LPL: variants seen among roughly 807,000 people sequenced by gnomAD.
LPL encodes phospholipase A1.
In LPL, 43 loss-of-function variants were observed where a neutral mutation model predicts 52.2. That is an observed-to-expected ratio of 0.82 (90% confidence interval 0.64 to 1.06). The LOEUF (loss-of-function observed/expected upper bound fraction) is 1.06, where lower values mean the gene tolerates loss of function less well. Among genes scored for constraint, LPL ranks in the 50% least tolerant of loss-of-function variants. LPL has a pLI of 0.00. For synonymous variants in LPL, 244 were observed against 215.6 expected, an observed-to-expected ratio of 1.13 and a Z score of -1.15; for missense variants, 639 against 585.3, an observed-to-expected ratio of 1.09 and a Z score of -0.95.
chr8:19,944,378 C>T lies in LPL; in HGVS notation c.89-3802C>T, dbSNP rs552786304. Among the ~76,000 whole-genome samples, 3 of 144,042 alleles carry T rather than the reference C, an allele frequency of 2.1e-5. No homozygotes were observed. Among genetic ancestry groups the T allele is most frequent in the Admixed American group, 7.5e-5 (1 of 13,340 alleles). The allele number at this position is 144,042 out of a possible 152,430, so 94.5% of individuals were successfully genotyped here. ...GATATCCTACAGACACTGCCTGAGT[C>T]GATAACTATGACTATCAGTCTCAGA... On this transcript the variant is annotated intron_variant, in intron 1 of 9. Coordinates refer to ENST00000650287, the MANE Select transcript of LPL (RefSeq NM_000237.3). This position sits in a 1 kb window ranked among gnomAD's most constrained non-coding sequence, Gnocchi z 4.2.
intron 7 of LPL, among the ~76,000 whole-genome samples, chr8:19,960,336 A>C (rs1179950865): frequency 3.3e-5 from 5 of 152,200 alleles, no homozygotes; most frequent in Admixed American, 3.3e-4. Flanking sequence ...TCCTAAAGAA[A>C]TAGTCAACAA....
intron 2 of LPL, among the ~76,000 whole-genome samples, chr8:19,949,941 G>C (rs911561360): frequency 4.1e-5 from 6 of 147,610 alleles, no homozygotes; most frequent in African/African-American, 1.6e-4. Context: ...TATACTTTGG[G>C]AAGTTGTGGG....
chr8:19,947,813 A>G (rs983119030), intron 1 of LPL, among the ~76,000 whole-genome samples: 1 of 152,072 alleles, frequency 6.6e-6, no homozygotes, highest in Non-Finnish European at 1.5e-5. Context: ...GCCTCAGCCA[A>G]GTCACTTAAA....
In LPL at chr8:19,950,357, A is replaced by C. The variant is rs184247536; in HGVS notation, c.250-1412A>C. Among the ~76,000 whole-genome samples, 54 of 152,372 alleles carry C rather than the reference A, an allele frequency of 3.5e-4. No individual in the cohort carries two copies. Among genetic ancestry groups the C allele is most frequent in the African/African-American group, 1.3e-3 (54 of 41,582 alleles). On this transcript the variant is annotated intron_variant, in intron 2 of 9. Coordinates refer to ENST00000650287, the MANE Select transcript of LPL (RefSeq NM_000237.3). The surrounding 1 kb of genome is among the most constrained non-coding windows in gnomAD (Gnocchi z 4.2). ...TTTGAGTTGAGAAAGGTGAGTACTTAGATTTTTCATTTGCTTTGTTTGGGA... is the reference window on the plus strand; with the variant it reads ...TTTGAGTTGAGAAAGGTGAGTACTTCGATTTTTCATTTGCTTTGTTTGGGA...
intron 1 of LPL, among the ~76,000 whole-genome samples, chr8:19,947,750 G>A (rs951825179): frequency 2.7e-4 from 38 of 142,628 alleles, no homozygotes; most frequent in African/African-American, 9.6e-4. Flanking sequence ...AAGCTTCAAA[G>A]TGGAACTGAG....
chr8:19,948,429 C>T (rs768978143), intron 2 of LPL, 89 bp downstream of exon 2: 15 of 1,444,040 alleles, frequency 1.0e-5, no homozygotes, highest in Middle Eastern at 4.1e-4. Context: ...GTGATGGGTC[C>T]GCACCCCACA....
chr8:19,948,385 A>T, intron 2 of LPL, 45 bp downstream of exon 2: 1 of 1,609,722 alleles, frequency 6.2e-7, no homozygotes, highest in Non-Finnish European at 8.5e-7. Flanking sequence ...GTGGTGAGGT[A>T]TCCTGACTGG....
At chr8:19,953,248 G>A (rs2069950239) in intron 3 of LPL, 62 bp from the exon 4 acceptor site, 3 of 961,182 alleles carry the variant, frequency 3.1e-6, no homozygotes, top group Non-Finnish European at 5.1e-6. Flanking sequence ...TATTCATTTT[G>A]TTTCTTTTAG....
chr8:19,957,988 TTTTA>T (rs10634207), intron 6 of LPL, among the ~76,000 whole-genome samples: 58,799 of 140,608 alleles, frequency 0.42, 12,649 homozygotes, highest in East Asian at 0.69. Flanking sequence ...CCAAGAATTA[TTTTA>T]TTTATTTATT....
At chr8:19,965,207 C>G in intron 9 of LPL, 103 bp from the exon 10 acceptor site, 1 of 754,264 alleles carries the variant, frequency 1.3e-6, no homozygotes. Context: ...TTCTGAAATT[C>G]CATTTGAAGG....
rs1198832919 is a variant in LPL, at chr8:19,966,640, C to T, written c.*1330C>T. On this transcript the variant is annotated 3_prime_UTR_variant, in exon 10 of 10. Transcript: ENST00000650287. ...TCTGAACACATACTAGAAAGCTCTG[C>T]ATGTGTGTTGTCCTTCAGCATAATT... is the stretch of plus-strand genomic sequence containing the variant. 1 of 152,194 alleles carries T rather than the reference C, an allele frequency of 6.6e-6. No individual in the cohort carries two copies. The highest frequency in any genetic ancestry group is 1.5e-5 in the Non-Finnish European group (1 of 68,044). The allele number at this position is 152,194 out of a possible 1,614,324, so 9.4% of individuals were successfully genotyped here. A position where few individuals can be genotyped will look rare whatever the true frequency, so the allele number is the denominator to read the frequency against.
In LPL at chr8:19,948,223, GACCCCTGAAGA is replaced by G; in HGVS notation, c.133_143del (p.Thr45HisfsTer3). On this transcript the variant is annotated frameshift_variant, in exon 2 of 10. Coordinates refer to ENST00000650287, the MANE Select transcript of LPL (RefSeq NM_000237.3). LOFTEE classifies it high-confidence loss of function. Reference sequence around the variant, plus strand: ...ACATCGAAAGTAAATTTGCCCTAAGGACCCCTGAAGACACAGCTGAGGACACTTGCCACCTC... The same window carrying G: ...ACATCGAAAGTAAATTTGCCCTAAGGCACAGCTGAGGACACTTGCCACCTC... 2.5e-6 allele frequency: 4 copies of G among 1,614,004 alleles called. No homozygotes were observed. Among genetic ancestry groups the G allele is most frequent in the Non-Finnish European group, 3.4e-6 (4 of 1,180,012 alleles).
In LPL at chr8:19,962,113, A is replaced by C; in HGVS notation, c.1323-2A>C. 1.2e-6 allele frequency: 2 copies of C among 1,605,812 alleles called. No individual in the cohort carries two copies. Among genetic ancestry groups the C allele is most frequent in the Non-Finnish European group, 8.5e-7 (1 of 1,172,476 alleles). On this transcript the variant is annotated splice_acceptor_variant, in intron 8 of 9. Transcript: ENST00000650287. LOFTEE classifies it high-confidence loss of function. ...CATATTCACATCCATTTTCTTCCAC[A>C]GGGTGATCTTCTGTTCTAGGGAGAA...
intron 9 of LPL, among the ~76,000 whole-genome samples, chr8:19,962,537 C>T (rs1199822716): frequency 6.6e-6 from 1 of 152,170 alleles, no homozygotes; most frequent in East Asian, 1.9e-4. Flanking sequence ...TGCGTCTCTG[C>T]TGACTTTGCA....
Position 19,954,142 on chromosome 8 carries a change from C to CT in LPL, c.567dup (p.Glu190Ter), listed in dbSNP as rs1416098529. 2 of 1,614,144 alleles carry CT rather than the reference C, an allele frequency of 1.2e-6. No individual in the cohort carries two copies. The highest frequency in any genetic ancestry group is 2.7e-5 in the African/African-American group (2 of 75,046). On this transcript the variant is annotated frameshift_variant, in exon 5 of 10. Coordinates refer to ENST00000650287, the MANE Select transcript of LPL (RefSeq NM_000237.3). LOFTEE classifies it high-confidence loss of function. ...AAGGCCTCGATCCAGCTGGACCTAACTTTGAGTATGCAGAAGCCCCGAGTC... is the reference window on the plus strand; with the variant it reads ...AAGGCCTCGATCCAGCTGGACCTAACTTTTGAGTATGCAGAAGCCCCGAGTC...
At chr8:19,948,047 A>G (rs1213530559) in intron 1 of LPL, 133 bp from the exon 2 acceptor site, 4 of 877,858 alleles carry the variant, frequency 4.6e-6, no homozygotes, top group African/African-American at 1.7e-5. Context: ...TGCAATCCAC[A>G]TTCGTTTTCG....
intron 2 of LPL, among the ~76,000 whole-genome samples, chr8:19,949,938 T>C (rs985843924): frequency 6.8e-6 from 1 of 147,770 alleles, no homozygotes; most frequent in Non-Finnish European, 1.5e-5. Flanking sequence ...TTTTATACTT[T>C]GGGAAGTTGT....
rs1284934585 is a variant in LPL, at chr8:19,965,682, T to C, written c.*372T>C. 2 of 196,116 alleles carry C rather than the reference T, an allele frequency of 1.0e-5. No individual in the cohort carries two copies. Among genetic ancestry groups the C allele is most frequent in the Non-Finnish European group, 2.1e-5 (2 of 96,524 alleles). The allele number at this position is 196,116 out of a possible 1,614,324, so 12.1% of individuals were successfully genotyped here. A position where few individuals can be genotyped will look rare whatever the true frequency, so the allele number is the denominator to read the frequency against. ...ATTGGTTAGAACCTCCTATTTTAATTGGAATTCTGGATCTTTCGGACTGAG... is the reference window on the plus strand; with the variant it reads ...ATTGGTTAGAACCTCCTATTTTAATCGGAATTCTGGATCTTTCGGACTGAG... On this transcript the variant is annotated 3_prime_UTR_variant, in exon 10 of 10. Coordinates refer to ENST00000650287, the MANE Select transcript of LPL (RefSeq NM_000237.3).
chr8:19,958,976 G>C (rs540547279), intron 6 of LPL, among the ~76,000 whole-genome samples: 2 of 152,322 alleles, frequency 1.3e-5, no homozygotes, highest in African/African-American at 4.8e-5. Context: ...ACCCCTCAAA[G>C]ATGGCTACTT....
Sources: gnomAD v4.1 joint callset for allele counts (sites outside exome capture counted in the v4.1 genomes callset) on GRCh38, gnomAD v4.1.1 for gene constraint, Gnocchi (gnomAD v3.1) non-coding constraint, MANE v1.5 for transcripts, NCBI Gene and HGNC (gene_info 2026-07-23, HGNC 2026-07-21) for gene names.